The following CDH13 variants were observed in gnomAD, a reference collection of about 807,000 sequenced individuals.
The protein encoded by CDH13 is cadherin-13.
In CDH13, 24 loss-of-function variants were observed where a neutral mutation model predicts 63.8. The observed-to-expected ratio is 0.38, with a 90% CI of 0.27 to 0.53. CDH13 has a LOEUF of 0.53. Ranked by LOEUF, CDH13 falls within the 20% of genes least tolerant of loss-of-function variation. CDH13 has a pLI of 0.85. For missense variants in CDH13, 1,049 were observed against 903.1 expected (o/e 1.16, Z -2.07); for synonymous variants, 503 against 355.3 (o/e 1.42, Z -4.67).
At chr16:82,741,400 C>T (rs1366635524) in intron 1 of CDH13, among the ~76,000 whole-genome samples, 1 of 152,222 alleles carries the variant, frequency 6.6e-6, no homozygotes, top group South Asian at 2.1e-4. Context: ...ACATCCTTCA[C>T]TAATCCCCTG....
intron 3 of CDH13, among the ~76,000 whole-genome samples, chr16:83,061,795 T>C (rs1263572889): frequency 6.6e-6 from 1 of 152,178 alleles, no homozygotes; most frequent in Non-Finnish European, 1.5e-5. Context: ...GAAGAATCTG[T>C]GTCTCAGTCT....
chr16:82,696,299 A>T (rs2030280171), intron 1 of CDH13, among the ~76,000 whole-genome samples: 2 of 152,222 alleles, frequency 1.3e-5, no homozygotes, highest in Admixed American at 6.5e-5. Flanking sequence ...CACTCACTCT[A>T]TATATTTTAT....
intron 1 of CDH13, among the ~76,000 whole-genome samples, chr16:82,653,157 G>T (rs529646103): frequency 1.3e-5 from 2 of 152,110 alleles, no homozygotes; most frequent in African/African-American, 4.8e-5. Flanking sequence ...TTATTGAACG[G>T]TTTTTCCAAG....
Position 83,032,041 on chromosome 16 carries a change from G to A in CDH13, c.189G>A (p.Lys63=), listed in dbSNP as rs931245498. ...TCAGTGACTGTAAGGGAAACGACAA[G>A]CTACGCTATGAGGTCTCGAGCCCAT... is the stretch of plus-strand genomic sequence containing the variant. The part of the protein sequence containing the change: ...LTFSDCKGND[K]LRYEVSSPYF... Residue 63 remains lysine (K), a synonymous_variant, in exon 3 of 14, where the codon AAG becomes AAA. Coordinates refer to ENST00000567109, the MANE Select transcript of CDH13 (RefSeq NM_001257.5). 9.4e-6 allele frequency: 15 copies of A among 1,603,874 alleles called. No homozygotes were observed. Among genetic ancestry groups the A allele is most frequent in the African/African-American group, 1.3e-5 (1 of 74,780 alleles).
chr16:82,652,688 C>T (rs570961891), intron 1 of CDH13, among the ~76,000 whole-genome samples: 4 of 151,396 alleles, frequency 2.6e-5, no homozygotes, highest in East Asian at 3.9e-4. Flanking sequence ...ACTTAACTGG[C>T]CTGCATTACC....
At chr16:83,492,837 G>C (rs1394621355) in intron 7 of CDH13, among the ~76,000 whole-genome samples, 1 of 152,122 alleles carries the variant, frequency 6.6e-6, no homozygotes, top group Non-Finnish European at 1.5e-5. Flanking sequence ...AGAAGACCTT[G>C]ATGAGTCTCA....
intron 3 of CDH13, among the ~76,000 whole-genome samples, chr16:83,077,108 T>C (rs973485767): frequency 1.2e-4 from 18 of 151,824 alleles, no homozygotes; most frequent in Admixed American, 1.1e-3. Context: ...AATCGTATGG[T>C]ATATATATTT....
At chr16:83,756,595 GTAT>G (rs1913526830) in intron 11 of CDH13, among the ~76,000 whole-genome samples, 1 of 152,172 alleles carries the variant, frequency 6.6e-6, no homozygotes, top group Non-Finnish European at 1.5e-5. Context: ...TAGTGTTAGT[GTAT>G]TGTATGTGTG....
At chr16:82,846,316 C>G (rs1339856245) in intron 1 of CDH13, among the ~76,000 whole-genome samples, 1 of 151,816 alleles carries the variant, frequency 6.6e-6, no homozygotes, top group Non-Finnish European at 1.5e-5. Flanking sequence ...TATACATACC[C>G]TCTATATTAA....
At chr16:83,242,153 T>C (rs979019167) in intron 5 of CDH13, among the ~76,000 whole-genome samples, 3 of 152,220 alleles carry the variant, frequency 2.0e-5, no homozygotes, top group Non-Finnish European at 4.4e-5. Context: ...TAAGGGTTTA[T>C]TTCTAGGTTC....
intron 6 of CDH13, among the ~76,000 whole-genome samples, chr16:83,460,991 A>ACG (rs1286769982): frequency 1.8e-5 from 2 of 111,424 alleles, no homozygotes; most frequent in African/African-American, 6.6e-5. Context: ...AAACACACAC[A>ACG]CACGCACACA....
At chr16:83,432,533 A>G (rs1316164845) in intron 6 of CDH13, among the ~76,000 whole-genome samples, 1 of 152,142 alleles carries the variant, frequency 6.6e-6, no homozygotes, top group Non-Finnish European at 1.5e-5. Flanking sequence ...TCTCCTCACC[A>G]CAGCTGCTGT....
At chr16:82,855,328 TG>T (rs1263461716) in intron 1 of CDH13, among the ~76,000 whole-genome samples, 1 of 152,196 alleles carries the variant, frequency 6.6e-6, no homozygotes, top group Non-Finnish European at 1.5e-5. Flanking sequence ...TCACTAACTG[TG>T]GTTTCTCTCA....
At chr16:83,224,104 C>T (rs559868101) in intron 5 of CDH13, among the ~76,000 whole-genome samples, 14 of 152,164 alleles carry the variant, frequency 9.2e-5, no homozygotes, top group Non-Finnish European at 1.5e-4. Context: ...GTTTTCCATT[C>T]CTGAGTTACT....
intron 6 of CDH13, among the ~76,000 whole-genome samples, chr16:83,447,348 G>C (rs1297649102): frequency 1.3e-5 from 2 of 151,922 alleles, no homozygotes; most frequent in Non-Finnish European, 2.9e-5. Flanking sequence ...CTGGGAGGCA[G>C]ATGTTGCAGC....
chr16:83,041,536 A>T (rs895990680), intron 3 of CDH13, among the ~76,000 whole-genome samples: 6 of 152,178 alleles, frequency 3.9e-5, no homozygotes, highest in Admixed American at 6.5e-5. Flanking sequence ...TACGTCTCTT[A>T]CTGCATTGGG....
intron 1 of CDH13, among the ~76,000 whole-genome samples, chr16:82,672,234 A>G (rs1051960947): frequency 6.6e-6 from 1 of 152,194 alleles, no homozygotes. Context: ...TAACTATCTC[A>G]TGGGGTTATT....
chr16:82,971,240 T>C (rs1277357278), intron 2 of CDH13, among the ~76,000 whole-genome samples: 1 of 152,220 alleles, frequency 6.6e-6, no homozygotes, highest in African/African-American at 2.4e-5. Flanking sequence ...GTTATCCACA[T>C]TGACAGCTGA....
At chr16:82,839,629 G>A (rs1030483667) in intron 1 of CDH13, among the ~76,000 whole-genome samples, 1 of 152,132 alleles carries the variant, frequency 6.6e-6, no homozygotes, top group African/African-American at 2.4e-5. Flanking sequence ...GCTGGCCAGT[G>A]ACTAAATACA....
Sources: allele counts gnomAD v4.1 joint callset (sites outside exome capture counted in the v4.1 genomes callset), GRCh38; gene constraint gnomAD v4.1.1; transcripts MANE v1.5; gene names NCBI Gene and HGNC (gene_info 2026-07-23, HGNC 2026-07-21).